FMN2: variants seen among roughly 807,000 people sequenced by gnomAD.
FMN2 encodes formin 2.
In FMN2, 51 loss-of-function variants were observed where a neutral mutation model predicts 142.3. The ratio of observed to expected loss-of-function variants is 0.36; its 90% CI spans 0.29 to 0.45. The LOEUF is 0.45. FMN2 is among the 20% of genes least tolerant of loss of function. FMN2 has a pLI of 1.00. For synonymous variants in FMN2, 882 were observed against 869.8 expected, an observed-to-expected ratio of 1.01 and a Z score of -0.25; for missense variants, 1,936 against 2,122.8, an observed-to-expected ratio of 0.91 and a Z score of 1.73.
chr1:240,366,215 A>T (rs1401534966), intron 14 of FMN2, among the ~76,000 whole-genome samples: 1 of 152,224 alleles, frequency 6.6e-6, no homozygotes, highest in East Asian at 1.9e-4. Context: ...AATACCGGTC[A>T]GTCAGCTCTT....
chr1:240,425,516 C>T (rs552884120), intron 15 of FMN2, among the ~76,000 whole-genome samples: 3 of 152,174 alleles, frequency 2.0e-5, no homozygotes, highest in African/African-American at 4.8e-5. Context: ...GAATCATTTC[C>T]GGAGCTACCT....
chr1:240,437,971 G>A lies in FMN2; in HGVS notation c.4911-90G>A, dbSNP rs1675459448. ...CCTCTTGGTAATAATAATTGTGCAT[G>A]AATAAAATCAGCATTTGGATAGAGA... On this transcript the variant is annotated intron_variant, in intron 15 of 17. Transcript: ENST00000319653. 4 of 1,462,128 alleles carry A rather than the reference G, an allele frequency of 2.7e-6. No individual in the cohort carries two copies. The East Asian group carries it at 9.2e-5, about 33-fold the overall frequency. 90.6% of individuals were successfully genotyped at this position (1,462,128 alleles called of 1,614,324 possible).
intron 1 of FMN2, among the ~76,000 whole-genome samples, chr1:240,097,926 A>G (rs1661272216): frequency 6.6e-6 from 1 of 152,034 alleles, no homozygotes; most frequent in Non-Finnish European, 1.5e-5. Flanking sequence ...TAAGCTAGTA[A>G]GTGGCCCATC....
At chr1:240,370,815 T>A (rs747940934) in intron 14 of FMN2, among the ~76,000 whole-genome samples, 1 of 152,198 alleles carries the variant, frequency 6.6e-6, no homozygotes, top group Non-Finnish European at 1.5e-5. Flanking sequence ...TAACCTTCAG[T>A]CTTCTGGAAA....
At position 240,103,957 on chromosome 1, in the gene FMN2, A is replaced by G. The variant is rs184802745; in HGVS notation, c.1615+10233A>G. Among the ~76,000 whole-genome samples the G allele has an allele frequency of 5.9e-3, 900 of 151,796 alleles. 3 individuals are homozygous for G. Among genetic ancestry groups the G allele is most frequent in the South Asian group, 0.032 (152 of 4,792 alleles). On this transcript the variant is annotated intron_variant, in intron 1 of 17. Transcript: ENST00000319653. ...AGTGGTGCGATCTCGGCTCACTGCA[A>G]GCTCCGCCTCCCAGGTTCACGCCAT...
At chr1:240,168,124 CT>C (rs985797252) in intron 2 of FMN2, among the ~76,000 whole-genome samples, 19 of 152,232 alleles carry the variant, frequency 1.2e-4, no homozygotes, top group Non-Finnish European at 1.0e-4. Flanking sequence ...TATTGTTTTT[CT>C]TATCTTCCCC....
chr1:240,121,732 T>G (rs1221078068), intron 1 of FMN2, among the ~76,000 whole-genome samples: 1 of 5,386 alleles, frequency 1.9e-4, no homozygotes, highest in Non-Finnish European at 3.3e-4. Context: ...TTTAGGGAAA[T>G]AGTAAAAAAA....
rs533154336 is a variant in FMN2, at chr1:240,152,792, A to G, written c.1783-25129A>G. Among the ~76,000 whole-genome samples the G allele has an allele frequency of 8.3e-4, 126 of 152,210 alleles. 1 individual carries two copies. The highest frequency in any genetic ancestry group is 1.2e-3 in the South Asian group (6 of 4,814). On this transcript the variant is annotated intron_variant, in intron 2 of 17. Coordinates refer to ENST00000319653, the MANE Select transcript of FMN2 (RefSeq NM_020066.5). ...TGTCTTGGCATTTCTCAGCCTTTCA[A>G]CCCTGTGGAGTGTCTATTTTGCAAG...
chr1:240,301,062 G>A (rs6693021), intron 8 of FMN2, among the ~76,000 whole-genome samples: 55,231 of 151,178 alleles, frequency 0.37, 10,420 homozygotes, highest in African/African-American at 0.45. Flanking sequence ...TATTGTAATT[G>A]TTGTTATAGT....
chr1:240,296,136 A>G (rs55961507), intron 8 of FMN2, among the ~76,000 whole-genome samples: 21,982 of 150,868 alleles, frequency 0.15, 1,761 homozygotes, highest in African/African-American at 0.21. Context: ...CTGTTTCTCT[A>G]TACTGCTACA....
chr1:240,320,221 G>A (rs1459636292), intron 8 of FMN2, among the ~76,000 whole-genome samples: 1 of 152,124 alleles, frequency 6.6e-6, no homozygotes, highest in East Asian at 1.9e-4. Context: ...AGACTGAAAC[G>A]ATGTCATCTT....
chr1:240,212,022 G>A (rs1666709680), intron 6 of FMN2, among the ~76,000 whole-genome samples: 2 of 151,930 alleles, frequency 1.3e-5, no homozygotes, highest in Non-Finnish European at 1.5e-5. Context: ...CTTTTGCAGG[G>A]TGGCAGGAAA....
intron 8 of FMN2, among the ~76,000 whole-genome samples, chr1:240,295,654 A>C (rs1669949006): frequency 6.6e-6 from 1 of 152,028 alleles, no homozygotes; most frequent in Non-Finnish European, 1.5e-5. Flanking sequence ...CATTTTCTTT[A>C]TCCATTCATC....
chr1:240,170,152 C>A, intron 2 of FMN2: 1 of 806,254 alleles, frequency 1.2e-6, no homozygotes, highest in East Asian at 2.7e-5. Context: ...TCCCTGGCGC[C>A]GACCAGAACC....
At chr1:240,465,876 A>G (rs1327555698) in intron 16 of FMN2, among the ~76,000 whole-genome samples, 3 of 152,134 alleles carry the variant, frequency 2.0e-5, no homozygotes, top group Non-Finnish European at 2.9e-5. Flanking sequence ...TTTTCTCTGT[A>G]TCTATGCCAG....
Position 240,366,715 on chromosome 1 carries a change from C to A in FMN2, c.4858+10807C>A, listed in dbSNP as rs182557530. Among the ~76,000 whole-genome samples the A allele has an allele frequency of 1.5e-4, 23 of 152,166 alleles. No homozygotes were observed. In the East Asian group the frequency reaches 3.3e-3, roughly 22 times the overall value. The stretch of plus-strand genomic sequence containing the variant: ...TACAGGCATGAGTCACCACACCTGG[C>A]TAATTTTGCATTTTTAGTAGAGGGG... On this transcript the variant is annotated intron_variant, in intron 14 of 17. Transcript: ENST00000319653.
chr1:240,421,136 C>T (rs886569302), intron 15 of FMN2, among the ~76,000 whole-genome samples: 3 of 152,166 alleles, frequency 2.0e-5, no homozygotes, highest in Non-Finnish European at 4.4e-5. Flanking sequence ...AGCTCACTCA[C>T]TACCCTGAAA....
intron 2 of FMN2, 84 bp downstream of exon 2, chr1:240,123,429 A>G (rs1254911967): frequency 1.1e-5 from 15 of 1,388,960 alleles, no homozygotes; most frequent in Middle Eastern, 1.9e-4. Flanking sequence ...CAGTCACCCT[A>G]TAATTTAAAA....
At chr1:240,120,692 C>T (rs1172016368) in intron 1 of FMN2, among the ~76,000 whole-genome samples, 1 of 152,060 alleles carries the variant, frequency 6.6e-6, no homozygotes, top group Non-Finnish European at 1.5e-5. Context: ...TCCAAAAGAG[C>T]ATGGAAGGGG....
Sources: allele counts gnomAD v4.1 joint callset (sites outside exome capture counted in the v4.1 genomes callset), GRCh38; gene constraint gnomAD v4.1.1; transcripts MANE v1.5; gene names NCBI Gene and HGNC (gene_info 2026-07-23, HGNC 2026-07-21).